The following SGPP2 variants were observed in gnomAD, a reference collection of about 807,000 sequenced individuals.
SGPP2 encodes the protein sphingosine-1-phosphate phosphatase 2, also known as sphingosine 1-phosphate phosphohydrolase 2.
SGPP2 carries 30 observed loss-of-function variants against 33.9 expected under a neutral mutation model. The ratio of observed to expected loss-of-function variants is 0.89; its 90% CI spans 0.66 to 1.20. The LOEUF is 1.20. Among genes scored for constraint, SGPP2 ranks in the 50% most tolerant of loss-of-function variants. The pLI is 0.00. For synonymous variants in SGPP2, 233 were observed against 225.0 expected (o/e 1.04, Z -0.32); for missense variants, 458 against 532.1 (o/e 0.86, Z 1.37).
intron 1 of SGPP2, among the ~76,000 whole-genome samples, chr2:222,459,679 G>A (rs1010145890): frequency 2.0e-5 from 3 of 152,106 alleles, no homozygotes; most frequent in African/African-American, 4.8e-5. Context: ...GAGATGGGCA[G>A]TGGGCAGAGG....
At chr2:222,475,442 G>T (rs1697919432) in intron 2 of SGPP2, among the ~76,000 whole-genome samples, 1 of 152,108 alleles carries the variant, frequency 6.6e-6, no homozygotes, top group Non-Finnish European at 1.5e-5. Flanking sequence ...CCATAGAGTG[G>T]TATGAAATGC....
chr2:222,432,103 C>T (rs761919139), intron 1 of SGPP2, among the ~76,000 whole-genome samples: 1 of 152,182 alleles, frequency 6.6e-6, no homozygotes, highest in Non-Finnish European at 1.5e-5. Context: ...CAATTTCATC[C>T]CGTGTGCCAA....
chr2:222,535,586 G>A (rs1044226115), intron 4 of SGPP2, among the ~76,000 whole-genome samples: 8 of 152,204 alleles, frequency 5.3e-5, no homozygotes, highest in East Asian at 1.9e-4. Context: ...AGCCACAGTC[G>A]AAAGGGCTGG....
chr2:222,531,284 A>G (rs1698834993), intron 4 of SGPP2, among the ~76,000 whole-genome samples: 1 of 152,230 alleles, frequency 6.6e-6, no homozygotes, highest in South Asian at 2.1e-4. Context: ...GCAAAGTGCA[A>G]TCAAGGGAAG....
chr2:222,542,248 T>G (rs1314589397), intron 4 of SGPP2, among the ~76,000 whole-genome samples: 2 of 152,198 alleles, frequency 1.3e-5, no homozygotes, highest in African/African-American at 4.8e-5. Flanking sequence ...GTAGCTCTCA[T>G]TCATTAATTT....
At chr2:222,439,108 C>G (rs555781754) in intron 1 of SGPP2, among the ~76,000 whole-genome samples, 1 of 152,304 alleles carries the variant, frequency 6.6e-6, no homozygotes, top group South Asian at 2.1e-4. Flanking sequence ...TTTGGGTCCC[C>G]TGGAATCAAC....
chr2:222,546,949 G>A (rs1190253183), intron 4 of SGPP2, among the ~76,000 whole-genome samples: 1 of 151,982 alleles, frequency 6.6e-6, no homozygotes, highest in African/African-American at 2.4e-5. Context: ...AGTGTCACCT[G>A]GGAGTTTGTC....
intron 3 of SGPP2, 120 bp from the exon 4 acceptor site, chr2:222,524,824 G>T: frequency 1.3e-6 from 1 of 756,594 alleles, no homozygotes. Context: ...TGCTGGTCTG[G>T]GGAATGCAAG....
chr2:222,478,807 A>C (rs376203316), intron 2 of SGPP2, among the ~76,000 whole-genome samples: 5 of 152,122 alleles, frequency 3.3e-5, no homozygotes, highest in African/African-American at 1.2e-4. Context: ...GTTGTTATCA[A>C]GTGCTCTCTC....
intron 2 of SGPP2, among the ~76,000 whole-genome samples, chr2:222,502,068 G>A (rs1224749821): frequency 1.3e-5 from 2 of 152,080 alleles, no homozygotes; most frequent in East Asian, 1.9e-4. Flanking sequence ...CATTTGTTAG[G>A]CACACTCATA....
chr2:222,482,742 C>T (rs1486792961), intron 2 of SGPP2, among the ~76,000 whole-genome samples: 1 of 152,166 alleles, frequency 6.6e-6, no homozygotes, highest in Non-Finnish European at 1.5e-5. Flanking sequence ...AGCAAAACTC[C>T]ATCCATCTCT....
intron 2 of SGPP2, among the ~76,000 whole-genome samples, chr2:222,488,335 C>T (rs963223418): frequency 6.6e-6 from 1 of 152,168 alleles, no homozygotes; most frequent in African/African-American, 2.4e-5. Context: ...AGCATTACTG[C>T]CTGAGCTCCA....
chr2:222,495,405 C>T (rs945725516), intron 2 of SGPP2, among the ~76,000 whole-genome samples: 4 of 151,980 alleles, frequency 2.6e-5, no homozygotes, highest in Non-Finnish European at 4.4e-5. Flanking sequence ...CAGAGCAAGG[C>T]CCTGTCTCAA....
chr2:222,532,327 G>T (rs1026806252), intron 4 of SGPP2, among the ~76,000 whole-genome samples: 1 of 151,900 alleles, frequency 6.6e-6, no homozygotes, highest in Non-Finnish European at 1.5e-5. Context: ...GAAAAAAATG[G>T]CTCTCTCTGC....
chr2:222,530,286 C>G (rs1025763893), intron 4 of SGPP2, among the ~76,000 whole-genome samples: 12 of 152,192 alleles, frequency 7.9e-5, no homozygotes, highest in African/African-American at 2.9e-4. Flanking sequence ...GAGCATTAGC[C>G]TGTCCTTTGA....
intron 2 of SGPP2, among the ~76,000 whole-genome samples, chr2:222,487,167 G>C (rs1478611537): frequency 6.6e-6 from 1 of 152,158 alleles, no homozygotes; most frequent in Non-Finnish European, 1.5e-5. Flanking sequence ...AGGAATAATT[G>C]AATCAAAGGA....
chr2:222,476,515 C>T lies in SGPP2; in HGVS notation c.378+1789C>T, dbSNP rs1031454533. The stretch of plus-strand genomic sequence containing the variant: ...TGCAAATCATAAAGAGAACGTTAGT[C>T]CAGTTGTCCCTCCCCGTTTCTGAGG... On this transcript the variant is annotated intron_variant, in intron 2 of 4. Transcript: ENST00000321276. The surrounding 1 kb of genome is among the most constrained non-coding windows in gnomAD (Gnocchi z 4.3). Among the ~76,000 whole-genome samples the T allele has an allele frequency of 6.6e-6, 1 of 152,126 alleles. No homozygotes were observed. The highest frequency in any genetic ancestry group is 2.4e-5 in the African/African-American group (1 of 41,420).
chr2:222,438,527 C>CT (rs1559143615), intron 1 of SGPP2, among the ~76,000 whole-genome samples: 1 of 152,226 alleles, frequency 6.6e-6, no homozygotes, highest in African/African-American at 2.4e-5. Flanking sequence ...CAAGTTGCTT[C>CT]TGGTGGGCCT....
chr2:222,468,713 C>T (rs1281255732), intron 1 of SGPP2, among the ~76,000 whole-genome samples: 1 of 152,184 alleles, frequency 6.6e-6, no homozygotes. Context: ...TGTTCATTGG[C>T]AGGGTTTAGT....
Sources: gnomAD v4.1 joint callset for allele counts (sites outside exome capture counted in the v4.1 genomes callset) on GRCh38, gnomAD v4.1.1 for gene constraint, Gnocchi (gnomAD v3.1) non-coding constraint, MANE v1.5 for transcripts, NCBI Gene and HGNC (gene_info 2026-07-23, HGNC 2026-07-21) for gene names.